The following TBX2 variants were observed in gnomAD, a reference collection of about 807,000 sequenced individuals.
TBX2 encodes T-box transcription factor TBX2.
Under a neutral mutation model 48.4 loss-of-function variants are expected in TBX2, and 19 were observed. The ratio of observed to expected loss-of-function variants is 0.39; its 90% CI spans 0.27 to 0.58. The LOEUF (loss-of-function observed/expected upper bound fraction) is 0.58. Ranked by LOEUF, TBX2 falls within the 20% of genes least tolerant of loss-of-function variation. TBX2 has a pLI of 0.54. For missense variants in TBX2, 994 were observed against 1,006.5 expected (o/e 0.99, Z 0.17); for synonymous variants, 522 against 459.7 (o/e 1.14, Z -1.73).
In TBX2 at chr17:61,400,615, G is replaced by T; in HGVS notation, c.395+44G>T. ...TGGAAGGCGCGCGGGCGGGCGGGCG[G>T]GCTGGGGCACGGGACTGCACGGATC... is the stretch of plus-strand genomic sequence containing the variant. On this transcript the variant is annotated intron_variant, in intron 1 of 6. Coordinates refer to ENST00000240328, the MANE Select transcript of TBX2 (RefSeq NM_005994.4). The surrounding 1 kb of genome is among the most constrained non-coding windows in gnomAD (Gnocchi z 9.2). 1 of 1,515,162 alleles carries T rather than the reference G, an allele frequency of 6.6e-7. No individual in the cohort carries two copies. Among genetic ancestry groups the T allele is most frequent in the South Asian group, 1.2e-5 (1 of 83,326 alleles). The allele number at this position is 1,515,162 out of a possible 1,614,324, so 93.9% of individuals were successfully genotyped here. A position where few individuals can be genotyped will look rare whatever the true frequency, so the allele number is the denominator to read the frequency against.
chr17:61,400,239 C>G lies in TBX2; in HGVS notation c.63C>G (p.Pro21=). 8.2e-7 allele frequency: 1 copy of G among 1,219,906 alleles called. No homozygotes were observed. The highest frequency in any genetic ancestry group is 1.0e-6 in the Non-Finnish European group (1 of 954,854). 75.6% of individuals were successfully genotyped at this position (1,219,906 alleles called of 1,614,324 possible). ...MAYHPFHAPR[P]ADFPMSAFLA... is the part of the protein sequence containing the mutation. ...ACCACCCGTTCCACGCGCCACGGCC[C>G]GCCGACTTCCCCATGTCCGCCTTTC... The change falls in exon 1 of 7, where the codon CCC becomes CCG. Residue 21 remains proline (P), a synonymous_variant. Transcript: ENST00000240328. The surrounding 1 kb of genome is among the most constrained non-coding windows in gnomAD (Gnocchi z 9.2).
chr17:61,408,487 G>T lies in TBX2; in HGVS notation c.2120G>T (p.Gly707Val). ...GAGAGCCAGCGAGCCCTCTCCCCAGGCCGGGAGTCGCCCAAGTGAGGGGCT... is the reference window on the plus strand; with the variant it reads ...GAGAGCCAGCGAGCCCTCTCCCCAGTCCGGGAGTCGCCCAAGTGAGGGGCT... ...GLESQRALSP[G>V]RESPK Residue 707 changes from glycine (G) to valine (V), a missense_variant, in exon 7 of 7, where the codon GGC becomes GTC. By Grantham distance (109) the Gly-to-Val change is moderately radical. Transcript: ENST00000240328. 1 of 1,445,458 alleles carries T rather than the reference G, an allele frequency of 6.9e-7. No individual in the cohort carries two copies. The highest frequency in any genetic ancestry group is 9.1e-7 in the Non-Finnish European group (1 of 1,098,380). 89.5% of individuals were successfully genotyped at this position (1,445,458 alleles called of 1,614,324 possible). A position where few individuals can be genotyped will look rare whatever the true frequency, so the allele number is the denominator to read the frequency against.
chr17:61,401,324 C>T lies in TBX2; in HGVS notation c.396-360C>T, dbSNP rs1469137242. On this transcript the variant is annotated intron_variant, in intron 1 of 6. Coordinates refer to ENST00000240328, the MANE Select transcript of TBX2 (RefSeq NM_005994.4). ...CTTCCGTCCCAAGTGGGTATTTCCC[C>T]TGAACGAATTTCGGGGAGATTAAGG... Among the ~76,000 whole-genome samples, 5 of 152,222 alleles carry T rather than the reference C, an allele frequency of 3.3e-5. No individual in the cohort carries two copies. The East Asian group carries it at 9.6e-4, about 29-fold the overall frequency.
At chr17:61,404,915 G>T in intron 5 of TBX2, 146 bp downstream of exon 5, 2 of 1,329,328 alleles carry the variant, frequency 1.5e-6, no homozygotes, top group South Asian at 1.3e-5. Context: ...TCCGTCCCGG[G>T]ACTCCCCTAC....
Position 61,400,596 on chromosome 17 carries a change from G to C in TBX2, c.395+25G>C. On this transcript the variant is annotated intron_variant, in intron 1 of 6. Coordinates refer to ENST00000240328, the MANE Select transcript of TBX2 (RefSeq NM_005994.4). This position sits in a 1 kb window ranked among gnomAD's most constrained non-coding sequence, Gnocchi z 9.2. ...GGTAGGGCTGCCGGCCGGCTGGAAG[G>C]CGCGCGGGCGGGCGGGCGGGCTGGG... 1 of 1,535,840 alleles carries C rather than the reference G, an allele frequency of 6.5e-7. No homozygotes were observed. Among genetic ancestry groups the C allele is most frequent in the East Asian group, 2.5e-5 (1 of 40,290 alleles).
At chr17:61,405,002 T>C in intron 5 of TBX2, 200 bp from the exon 6 acceptor site, 5 of 1,292,288 alleles carry the variant, frequency 3.9e-6, no homozygotes, top group Non-Finnish European at 5.4e-6. Context: ...ATTCTATAGC[T>C]GTAGGGTTTC....
At chr17:61,404,860 T>A in intron 5 of TBX2, 91 bp downstream of exon 5, 2 of 1,500,338 alleles carry the variant, frequency 1.3e-6, no homozygotes, top group Non-Finnish European at 9.0e-7. Flanking sequence ...CCCGCTAACC[T>A]GAAAGGCCAG....
chr17:61,405,093 G>T lies in TBX2; in HGVS notation c.1052-109G>T, dbSNP rs901942038. On this transcript the variant is annotated intron_variant, in intron 5 of 6. Coordinates refer to ENST00000240328, the MANE Select transcript of TBX2 (RefSeq NM_005994.4). ...TGCAGCTGCCCTTTGCCCGACTCCA[G>T]CAGCTCCTCCGACTCGGCCTCCCCG... is the stretch of plus-strand genomic sequence containing the variant. The T allele has an allele frequency of 2.0e-6, 3 of 1,508,044 alleles. No homozygotes were observed. The African/African-American group carries it at 4.2e-5, about 21-fold the overall frequency. 93.4% of individuals were successfully genotyped at this position (1,508,044 alleles called of 1,614,324 possible).
At position 61,408,418 on chromosome 17, in the gene TBX2, C is replaced by A. The variant is rs1304331917; in HGVS notation, c.2051C>A (p.Ala684Glu). Residue 684 changes from alanine (A) to glutamate (E), a missense_variant, in exon 7 of 7, where the codon GCG becomes GAG. Around this residue, in one of 5 missense-constraint regions of TBX2, gnomAD observed 639 missense variants for 613.2 expected, o/e 1.04. Transcript: ENST00000240328. ...ALSPSGSAKE[A>E]ANELQSIQRL... is the part of the protein sequence containing the mutation. ...TCGCCCAGTGGCTCGGCCAAGGAGG[C>A]GGCCAATGAACTGCAGAGCATCCAG... 2 of 1,540,138 alleles carry A rather than the reference C, an allele frequency of 1.3e-6. No homozygotes were observed. The highest frequency in any genetic ancestry group is 2.5e-5 in the East Asian group (1 of 40,784).
Position 61,405,199 on chromosome 17 carries a change from C to T in TBX2, c.1052-3C>T. Reference sequence around the variant, plus strand: ...CTGTAATCCGCGCGCCCTCTCCCCGCAGCTGAGGAGAAGTCGTGCGCCGCG... The same window carrying T: ...CTGTAATCCGCGCGCCCTCTCCCCGTAGCTGAGGAGAAGTCGTGCGCCGCG... On this transcript the variant is annotated splice_polypyrimidine_tract_variant and splice_region_variant and intron_variant, in intron 5 of 6. Coordinates refer to ENST00000240328, the MANE Select transcript of TBX2 (RefSeq NM_005994.4). The T allele has an allele frequency of 6.6e-7, 1 of 1,515,762 alleles. No individual in the cohort carries two copies. 93.9% of individuals were successfully genotyped at this position (1,515,762 alleles called of 1,614,324 possible). A position where few individuals can be genotyped will look rare whatever the true frequency, so the allele number is the denominator to read the frequency against.
At position 61,405,711 on chromosome 17, in the gene TBX2, G is replaced by C; in HGVS notation, c.1561G>C (p.Gly521Arg). The change falls in exon 6 of 7, where the codon GGC becomes CGC. Residue 521 changes from glycine to arginine, a missense_variant. Transcript: ENST00000240328. ...GGCCTCGGTGGCAGGCGGCGGCAACGGCGGAGGTGGCGGGCCTGGGACCGC... is the reference window on the plus strand; with the variant it reads ...GGCCTCGGTGGCAGGCGGCGGCAACCGCGGAGGTGGCGGGCCTGGGACCGC... The part of the protein sequence containing the change: ...LLASVAGGGN[G>R]GGGGPGTAAG... The C allele has an allele frequency of 7.3e-7, 1 of 1,375,054 alleles. No individual in the cohort carries two copies. The highest frequency in any genetic ancestry group is 1.7e-5 in the South Asian group (1 of 59,390). The allele number at this position is 1,375,054 out of a possible 1,614,324, so 85.2% of individuals were successfully genotyped here. A position where few individuals can be genotyped will look rare whatever the true frequency, so the allele number is the denominator to read the frequency against.
At chr17:61,407,397 T>G (rs2060293377) in intron 6 of TBX2, 1 of 152,252 alleles carries the variant, frequency 6.6e-6, no homozygotes, top group Non-Finnish European at 1.5e-5. Flanking sequence ...CCTCATGAAC[T>G]CAGGAAGGTG....
At position 61,405,681 on chromosome 17, in the gene TBX2, C is replaced by A. The variant is rs2060285900; in HGVS notation, c.1531C>A (p.Leu511Ile). ...CTTCTCCGCCATGGGCATGGGTCAC[C>A]TACTGGCCTCGGTGGCAGGCGGCGG... ...GAFSAMGMGH[L>I]LASVAGGGNG... The change falls in exon 6 of 7, where the codon CTA becomes ATA. Residue 511 changes from leucine to isoleucine, a missense_variant. Transcript: ENST00000240328. 7.1e-7 allele frequency: 1 copy of A among 1,408,740 alleles called. No individual in the cohort carries two copies. The highest frequency in any genetic ancestry group is 9.2e-7 in the Non-Finnish European group (1 of 1,086,576). 87.3% of individuals were successfully genotyped at this position (1,408,740 alleles called of 1,614,324 possible).
chr17:61,402,989 T>C (rs1445744579), intron 2 of TBX2, 72 bp from the exon 3 acceptor site: 3 of 1,325,320 alleles, frequency 2.3e-6, no homozygotes, highest in South Asian at 1.6e-5. Context: ...GAGGAAGAGG[T>C]CAGGTACCCA....
Position 61,400,466 on chromosome 17 carries a change from C to T in TBX2, c.290C>T (p.Pro97Leu). 1 of 1,600,026 alleles carries T rather than the reference C, an allele frequency of 6.2e-7. No homozygotes were observed. Among genetic ancestry groups the T allele is most frequent in the African/African-American group, 1.3e-5 (1 of 74,864 alleles). ...CTGCGCTCCCTCAAGAGCCTGGAGC[C>T]CGAGGACGAGGTGGAGGACGACCCC... is the stretch of plus-strand genomic sequence containing the variant. ...AHLRSLKSLE[P>L]EDEVEDDPKV... Residue 97 changes from proline to leucine, a missense_variant, in exon 1 of 7, where the codon CCC (proline) becomes CTC (leucine). Physicochemically the swap from Pro to Leu is moderately conservative, Grantham distance 98. Around this residue, in one of 5 missense-constraint regions of TBX2, gnomAD observed 165 missense variants for 136.8 expected, o/e 1.21. Coordinates refer to ENST00000240328, the MANE Select transcript of TBX2 (RefSeq NM_005994.4). The surrounding 1 kb of genome is among the most constrained non-coding windows in gnomAD (Gnocchi z 9.2).
At position 61,404,599 on chromosome 17, in the gene TBX2, T is replaced by G; in HGVS notation, c.888-7T>G. ...CCCGCTGACCTGGTTCATCCGCTCA[T>G]CCCCAGGAAGCAGCTGACGCTGCCG... On this transcript the variant is annotated splice_polypyrimidine_tract_variant and splice_region_variant and intron_variant, in intron 4 of 6. Transcript: ENST00000240328. 6.3e-7 allele frequency: 1 copy of G among 1,586,934 alleles called. No individual in the cohort carries two copies. Among genetic ancestry groups the G allele is most frequent in the Non-Finnish European group, 8.6e-7 (1 of 1,164,622 alleles).
Position 61,404,687 on chromosome 17 carries a change from G to A in TBX2, c.969G>A (p.Ser323=), listed in dbSNP as rs969836437. 15 of 1,580,132 alleles carry A rather than the reference G, an allele frequency of 9.5e-6. No homozygotes were observed. Among genetic ancestry groups the A allele is most frequent in the Non-Finnish European group, 1.3e-5 (15 of 1,163,440 alleles). The change falls in exon 5 of 7, where the codon TCG becomes TCA. Residue 323 remains serine, a synonymous_variant. Transcript: ENST00000240328. ...GCGATGGCGCGGAGTCAGACGCCTC[G>A]TCGTGCGACCCTCCCCCCGCGCGGG... The part of the protein sequence containing the change: ...PERDGAESDA[S]SCDPPPAREP...
Position 61,404,485 on chromosome 17 carries a change from G to A in TBX2, c.875G>A (p.Arg292Gln). The A allele has an allele frequency of 2.5e-6, 4 of 1,611,778 alleles. No homozygotes were observed. The highest frequency in any genetic ancestry group is 1.3e-5 in the African/African-American group (1 of 75,038). Residue 292 changes from arginine (R) to glutamine (Q), a missense_variant, in exon 4 of 7, where the codon CGG (arginine) becomes CAG (glutamine). Arg to Gln is a conservative substitution (Grantham distance 43). Transcript: ENST00000240328. Reference sequence around the variant, plus strand: ...GGCTTCCGGGACACCGGGAACGGCCGGCGGGAGAAAAGGTGAGAGGCCGAG... The same window carrying A: ...GGCTTCCGGGACACCGGGAACGGCCAGCGGGAGAAAAGGTGAGAGGCCGAG... ...AKGFRDTGNGRREKRKQLTLP... is the reference protein window; with the variant it reads ...AKGFRDTGNGQREKRKQLTLP...
Position 61,400,281 on chromosome 17 carries a change from C to A in TBX2, c.105C>A (p.Pro35=). The A allele has an allele frequency of 1.7e-6, 2 of 1,171,698 alleles. No homozygotes were observed. Among genetic ancestry groups the A allele is most frequent in the East Asian group, 7.2e-5 (1 of 13,884 alleles). 72.6% of individuals were successfully genotyped at this position (1,171,698 alleles called of 1,614,324 possible). The change falls in exon 1 of 7, where the codon CCC becomes CCA. Residue 35 remains proline, a synonymous_variant. Coordinates refer to ENST00000240328, the MANE Select transcript of TBX2 (RefSeq NM_005994.4). This position sits in a 1 kb window ranked among gnomAD's most constrained non-coding sequence, Gnocchi z 9.2. ...CCGCCTTTCTGGCGGCGGCGCAGCC[C>A]TCCTTCTTCCCGGCACTCGCGCTGC... The part of the protein sequence containing the change: ...PMSAFLAAAQ[P]SFFPALALPP...
Sources: gnomAD v4.1 joint callset for allele counts (sites outside exome capture counted in the v4.1 genomes callset) on GRCh38, gnomAD v4.1.1 for gene constraint, gnomAD v4.1.1 regional missense constraint, Gnocchi (gnomAD v3.1) non-coding constraint, MANE v1.5 for transcripts, NCBI Gene and HGNC (gene_info 2026-07-23, HGNC 2026-07-21) for gene names.